DAB1: variants seen among roughly 807,000 people sequenced by gnomAD.
DAB1 encodes disabled homolog 1.
Under a neutral mutation model 64.6 loss-of-function variants are expected in DAB1, and 15 were observed. The observed-to-expected ratio is 0.23, with a 90% CI of 0.16 to 0.36. The LOEUF is 0.36. Among genes scored for constraint, DAB1 ranks in the 10% least tolerant of loss-of-function variants. DAB1 has a pLI of 1.00. For synonymous variants in DAB1, 235 were observed against 251.9 expected (o/e 0.93, Z 0.64); for missense variants, 596 against 706.7 (o/e 0.84, Z 1.78).
At chr1:57,970,387 T>TGG (rs148148524) in intron 5 of DAB1, among the ~76,000 whole-genome samples, 16 of 152,238 alleles carry the variant, frequency 1.1e-4, no homozygotes, top group African/African-American at 3.4e-4. Flanking sequence ...GCTTTGCCAG[T>TGG]GGGGGTCACC....
intron 4 of DAB1, among the ~76,000 whole-genome samples, chr1:58,300,584 GAAAGAAAGAAAGAAAGAAAGAAAGAA>G (rs1444126237): frequency 0.038 from 839 of 22,342 alleles, 16 homozygotes; most frequent in African/African-American, 0.052. Flanking sequence ...AAGAAAGAAA[GAAAGAAAGAAAGAAAGAAAGAAAGAA>G]AGAGAGAGAG....
intron 2 of DAB1, among the ~76,000 whole-genome samples, chr1:57,176,716 A>C (rs1304832642): frequency 2.6e-5 from 4 of 152,070 alleles, no homozygotes; most frequent in African/African-American, 9.7e-5. Context: ...GGTCTAGTAA[A>C]ATCTGGATCC....
chr1:57,931,358 T>C (rs747609578), intron 5 of DAB1, among the ~76,000 whole-genome samples: 27 of 152,304 alleles, frequency 1.8e-4, no homozygotes, highest in African/African-American at 3.1e-4. Context: ...GTTGGGGTAA[T>C]GGTGACTTCA....
At chr1:57,622,936 T>C (rs556922151) in intron 7 of DAB1, among the ~76,000 whole-genome samples, 1 of 152,322 alleles carries the variant, frequency 6.6e-6, no homozygotes, top group South Asian at 2.1e-4. Flanking sequence ...AAGTTGTGCT[T>C]CCATGATTTA....
intron 14 of DAB1, among the ~76,000 whole-genome samples, chr1:57,008,229 C>T (rs530421523): frequency 6.6e-6 from 1 of 152,160 alleles, no homozygotes; most frequent in African/African-American, 2.4e-5. Context: ...GTGGGGCAAG[C>T]CAGAGAGCTA....
intron 3 of DAB1, among the ~76,000 whole-genome samples, chr1:58,483,689 C>G (rs1472680935): frequency 1.3e-5 from 2 of 152,118 alleles, no homozygotes; most frequent in African/African-American, 4.8e-5. Context: ...AAGTCAGATC[C>G]TCAGCTAAAC....
At chr1:58,093,325 C>T (rs1350599511) in intron 5 of DAB1, among the ~76,000 whole-genome samples, 5 of 152,082 alleles carry the variant, frequency 3.3e-5, no homozygotes, top group Admixed American at 6.5e-5. Context: ...CACTTTAAAG[C>T]GGGGGTCCCT....
At chr1:57,662,641 T>G (rs1646400831) in intron 6 of DAB1, among the ~76,000 whole-genome samples, 1 of 152,190 alleles carries the variant, frequency 6.6e-6, no homozygotes, top group Non-Finnish European at 1.5e-5. Context: ...AAAAATGAGA[T>G]AGCTTCTTAA....
At chr1:58,465,183 G>C (rs1645282244) in intron 3 of DAB1, among the ~76,000 whole-genome samples, 1 of 152,200 alleles carries the variant, frequency 6.6e-6, no homozygotes, top group Non-Finnish European at 1.5e-5. Context: ...TGTAAGCAAT[G>C]TTGTGTGAAT....
chr1:57,661,060 T>C (rs1302226376), intron 6 of DAB1, among the ~76,000 whole-genome samples: 1 of 152,170 alleles, frequency 6.6e-6, no homozygotes, highest in Non-Finnish European at 1.5e-5. Flanking sequence ...GGTGCATTTG[T>C]AGAGACTAAG....
intron 7 of DAB1, among the ~76,000 whole-genome samples, chr1:57,534,430 C>T (rs1468298243): frequency 6.6e-6 from 1 of 152,144 alleles, no homozygotes; most frequent in Non-Finnish European, 1.5e-5. Context: ...AAGTGCTGGG[C>T]TGGTCTCTTC....
chr1:58,025,386 A>T (rs1349118082), intron 5 of DAB1, among the ~76,000 whole-genome samples: 2 of 151,872 alleles, frequency 1.3e-5, no homozygotes, highest in Admixed American at 6.6e-5. Flanking sequence ...CTAGTAATTC[A>T]ACTTATTAGC....
intron 5 of DAB1, among the ~76,000 whole-genome samples, chr1:57,946,473 C>T (rs1340082527): frequency 6.6e-6 from 1 of 152,198 alleles, no homozygotes. Context: ...TCCACTTTCT[C>T]CACCTTCTCT....
chr1:58,057,993 C>G (rs1193697727), intron 5 of DAB1, among the ~76,000 whole-genome samples: 2 of 67,402 alleles, frequency 3.0e-5, no homozygotes, highest in Non-Finnish European at 6.7e-5. Flanking sequence ...CTGAGTTGCA[C>G]AACACTCTTT....
chr1:57,429,462 T>C (rs146085174), intron 7 of DAB1, among the ~76,000 whole-genome samples: 610 of 152,334 alleles, frequency 4.0e-3, no homozygotes, highest in Middle Eastern at 0.017. Flanking sequence ...TTTTTGATGG[T>C]TTCCTTTGCT....
intron 9 of DAB1, among the ~76,000 whole-genome samples, chr1:57,030,055 T>G (rs1303746270): frequency 6.6e-6 from 1 of 152,144 alleles, no homozygotes; most frequent in Non-Finnish European, 1.5e-5. Context: ...AACTTGAATT[T>G]TATCTCCCAG....
At chr1:58,276,545 C>T (rs946362102) in intron 4 of DAB1, among the ~76,000 whole-genome samples, 3 of 152,120 alleles carry the variant, frequency 2.0e-5, no homozygotes, top group Admixed American at 2.0e-4. Context: ...GGGAGTAGTA[C>T]ACACCTAAGG....
At chr1:57,037,989 G>A (rs764764759) in intron 9 of DAB1, among the ~76,000 whole-genome samples, 1 of 152,130 alleles carries the variant, frequency 6.6e-6, no homozygotes, top group Non-Finnish European at 1.5e-5. Context: ...CATGCCTGAT[G>A]AACTAAATTT....
chr1:57,794,254 C>G (rs1489178627), intron 6 of DAB1, among the ~76,000 whole-genome samples: 1 of 152,104 alleles, frequency 6.6e-6, no homozygotes, highest in African/African-American at 2.4e-5. Context: ...GTCAGAACAG[C>G]CTAGGAAAAT....
Sources: gnomAD v4.1 joint callset for allele counts (sites outside exome capture counted in the v4.1 genomes callset) on GRCh38, gnomAD v4.1.1 for gene constraint, MANE v1.5 for transcripts, NCBI Gene and HGNC (gene_info 2026-07-23, HGNC 2026-07-21) for gene names.